Variants in ADAMTS13 observed in about 807,000 individuals in gnomAD.
ADAMTS13 encodes A disintegrin and metalloproteinase with thrombospondin motifs 13.
Under a neutral mutation model 155.1 loss-of-function variants are expected in ADAMTS13, and 110 were observed. That is an observed-to-expected ratio of 0.71 (90% CI 0.61 to 0.83). The LOEUF (loss-of-function observed/expected upper bound fraction) is 0.83. ADAMTS13 is among the 40% of genes least tolerant of loss of function. The probability of loss-of-function intolerance (pLI) is 0.00; values close to 1 mark genes in which losing one functional copy is unlikely to be tolerated. For missense variants in ADAMTS13, 1,707 were observed against 1,891.7 expected (o/e 0.90, Z 1.81); for synonymous variants, 758 against 756.4 (o/e 1.00, Z -0.03).
At position 133,424,481 on chromosome 9, in the gene ADAMTS13, G is replaced by A; in HGVS notation, c.330+3G>A. ...ATGTGCTCACCAACCTCAACATCGT[G>A]AGTGCCCCACGCTGGACTGTGCAGG... On this transcript the variant is annotated splice_donor_region_variant and intron_variant, in intron 3 of 28. Coordinates refer to ENST00000355699, the MANE Select transcript of ADAMTS13 (RefSeq NM_139027.6). The surrounding 1 kb of genome is among the most constrained non-coding windows in gnomAD (Gnocchi z 4.3). 6.2e-7 allele frequency: 1 copy of A among 1,612,544 alleles called. No homozygotes were observed. Among genetic ancestry groups the A allele is most frequent in the Non-Finnish European group, 8.5e-7 (1 of 1,179,382 alleles).
intron 21 of ADAMTS13, among the ~76,000 whole-genome samples, chr9:133,447,378 A>T (rs940611199): frequency 1.4e-4 from 21 of 152,066 alleles, no homozygotes; most frequent in African/African-American, 5.1e-4. Context: ...TACAACCTCC[A>T]CCACCTGGGC....
chr9:133,456,574 C>G lies in ADAMTS13; in HGVS notation c.3579C>G (p.Thr1193=). The part of the protein sequence containing the change: ...GDMLLLWGRL[T]WRKMCRKLLD... ...TGTTGCTGCTTTGGGGCCGGCTCAC[C>G]TGGAGGAAGATGTGCAGGAAGCTGT... Residue 1193 remains threonine, a synonymous_variant, in exon 27 of 29, where the codon ACC becomes ACG. Transcript: ENST00000355699. The surrounding 1 kb of genome is among the most constrained non-coding windows in gnomAD (Gnocchi z 4.4). 6.2e-7 allele frequency: 1 copy of G among 1,613,590 alleles called. No homozygotes were observed. The highest frequency in any genetic ancestry group is 8.5e-7 in the Non-Finnish European group (1 of 1,179,968).
At chr9:133,419,070 C>G (rs1490477225), upstream of ADAMTS13, among the ~76,000 whole-genome samples, 3 of 152,152 alleles carry the variant, frequency 2.0e-5, no homozygotes, top group Non-Finnish European at 4.4e-5. Flanking sequence ...GAACTCCTGA[C>G]CTCCAGTGAT....
At position 133,456,151 on chromosome 9, in the gene ADAMTS13, T is replaced by C. The variant is rs782235608; in HGVS notation, c.3483T>C (p.Ile1161=). 37 of 1,613,402 alleles carry C rather than the reference T, an allele frequency of 2.3e-5. 1 individual carries two copies. In the South Asian group the frequency reaches 3.7e-4, roughly 16 times the overall value. The change falls in exon 26 of 29, where the codon ATT becomes ATC. Residue 1161 remains isoleucine, a synonymous_variant. Coordinates refer to ENST00000355699, the MANE Select transcript of ADAMTS13 (RefSeq NM_139027.6). The surrounding 1 kb of genome is among the most constrained non-coding windows in gnomAD (Gnocchi z 4.4). Reference sequence around the variant, plus strand: ...GGCAGGCAGACTGTGCAGTGGCCATTGGGCGGCCCCTCGGGGAGGTGGTGA... The same window carrying C: ...GGCAGGCAGACTGTGCAGTGGCCATCGGGCGGCCCCTCGGGGAGGTGGTGA... ...GPGQADCAVA[I]GRPLGEVVTL...
chr9:133,440,381 G>C lies in ADAMTS13; in HGVS notation c.1824G>C (p.Lys608Asn). The C allele has an allele frequency of 6.2e-7, 1 of 1,613,994 alleles. No individual in the cohort carries two copies. Among genetic ancestry groups the C allele is most frequent in the Middle Eastern group, 1.6e-4 (1 of 6,062 alleles). The change falls in exon 16 of 29, where the codon AAG (lysine) becomes AAC (asparagine). Residue 608 changes from lysine to asparagine, a missense_variant. By Grantham distance (94) the Lys-to-Asn change is moderately conservative. This residue lies in a region of ADAMTS13 where 961 missense variants were observed against 1,107.9 expected (regional missense o/e 0.87). Transcript: ENST00000355699. The surrounding 1 kb of genome is among the most constrained non-coding windows in gnomAD (Gnocchi z 4.3). ...RIGGRYVVAG[K>N]MSISPNTTYP... ...GAGGGCGCTATGTCGTGGCTGGGAAGATGAGCATCTCCCCTAACACCACCT... is the reference window on the plus strand; with the variant it reads ...GAGGGCGCTATGTCGTGGCTGGGAACATGAGCATCTCCCCTAACACCACCT...
At chr9:133,414,743 C>T (rs1839462372) in intron 1 of ADAMTS13, 2 of 1,614,166 alleles carry the variant, frequency 1.2e-6, no homozygotes, top group Non-Finnish European at 1.7e-6. Context: ...AACAATATCA[C>T]CATTTGTCCT....
rs1554789701 is a variant in ADAMTS13, at chr9:133,438,330, C to G, written c.1669C>G (p.Pro557Ala). The G allele has an allele frequency of 6.2e-7, 1 of 1,614,048 alleles. No homozygotes were observed. The highest frequency in any genetic ancestry group is 1.1e-5 in the South Asian group (1 of 91,080). Reference protein sequence around the residue: ...VCGGDNSTCSPRKGSFTAGRA... With the variant: ...VCGGDNSTCSARKGSFTAGRA... Reference sequence around the variant, plus strand: ...TGGTGGGGACAACAGCACGTGCAGCCCACGGAAGGGCTCTTTCACAGCTGG... The same window carrying G: ...TGGTGGGGACAACAGCACGTGCAGCGCACGGAAGGGCTCTTTCACAGCTGG... The change falls in exon 14 of 29, where the codon CCA becomes GCA. Residue 557 changes from proline (P) to alanine (A), a missense_variant. Pro to Ala is a conservative substitution (Grantham distance 27, BLOSUM62 -1). Around this residue, in one of 3 missense-constraint regions of ADAMTS13, gnomAD observed 961 missense variants for 1,107.9 expected, o/e 0.87. Coordinates refer to ENST00000355699, the MANE Select transcript of ADAMTS13 (RefSeq NM_139027.6).
In ADAMTS13 at chr9:133,438,095, C is replaced by T. The variant is rs918376170; in HGVS notation, c.1585-151C>T. 1.5e-5 allele frequency: 22 copies of T among 1,474,920 alleles called. No homozygotes were observed. The African/African-American group carries it at 3.1e-4, about 21-fold the overall frequency. 91.4% of individuals were successfully genotyped at this position (1,474,920 alleles called of 1,614,324 possible). A position where few individuals can be genotyped will look rare whatever the true frequency, so the allele number is the denominator to read the frequency against. ...TGTGACCTTGGGCAAGTCACTGAGC[C>T]CTCTAAGCTTGCTTCCTGTGTAGAT... On this transcript the variant is annotated intron_variant, in intron 13 of 28. Transcript: ENST00000355699.
At chr9:133,449,466 G>A (rs1410051826) in intron 22 of ADAMTS13, among the ~76,000 whole-genome samples, 27 of 152,150 alleles carry the variant, frequency 1.8e-4, no homozygotes, top group Non-Finnish European at 3.7e-4. Flanking sequence ...CTCCAGGGCG[G>A]TGGTGCTGGG....
intron 10 of ADAMTS13, 41 bp from the exon 11 acceptor site, chr9:133,433,600 C>G (rs1554788182): frequency 1.2e-6 from 2 of 1,613,820 alleles, no homozygotes; most frequent in East Asian, 4.5e-5. Flanking sequence ...AGGCAGTGGT[C>G]ACCCTGCTCT....
Position 133,456,546 on chromosome 9 carries a change from A to G in ADAMTS13, c.3551A>G (p.Asp1184Gly). 3 of 1,613,120 alleles carry G rather than the reference A, an allele frequency of 1.9e-6. No individual in the cohort carries two copies. The highest frequency in any genetic ancestry group is 2.5e-6 in the Non-Finnish European group (3 of 1,179,882). Reference sequence around the variant, plus strand: ...TCACTGCCCTGCCGCTTCCTAGGGGACATGTTGCTGCTTTGGGGCCGGCTC... The same window carrying G: ...TCACTGCCCTGCCGCTTCCTAGGGGGCATGTTGCTGCTTTGGGGCCGGCTC... ...LESSLNCSAGDMLLLWGRLTW... is the reference protein window; with the variant it reads ...LESSLNCSAGGMLLLWGRLTW... Residue 1184 changes from aspartate (D) to glycine (G), a missense_variant, in exon 27 of 29, where the codon GAC (aspartate) becomes GGC (glycine). By Grantham distance (94) the Asp-to-Gly change is moderately conservative. Around this residue, in one of 3 missense-constraint regions of ADAMTS13, gnomAD observed 961 missense variants for 1,107.9 expected, o/e 0.87. Transcript: ENST00000355699. The surrounding 1 kb of genome is among the most constrained non-coding windows in gnomAD (Gnocchi z 4.4).
chr9:133,444,771 A>G, intron 19 of ADAMTS13, 92 bp from the exon 20 acceptor site: 1 of 1,339,424 alleles, frequency 7.5e-7, no homozygotes. Context: ...GTTGGGGAGC[A>G]GGTCCCCTTC....
At position 133,441,626 on chromosome 9, in the gene ADAMTS13, G is replaced by A. The variant is rs950856882; in HGVS notation, c.1969-773G>A. Among the ~76,000 whole-genome samples, 1 of 151,996 alleles carries A rather than the reference G, an allele frequency of 6.6e-6. No individual in the cohort carries two copies. Among genetic ancestry groups the A allele is most frequent in the Non-Finnish European group, 1.5e-5 (1 of 68,020 alleles). On this transcript the variant is annotated intron_variant, in intron 16 of 28. Transcript: ENST00000355699. The surrounding 1 kb of genome is among the most constrained non-coding windows in gnomAD (Gnocchi z 5.0). ...GGCCTCTTTCTTGGGCTGGTCTTGG[G>A]CACAGGACCCAGTTACCCTCCTGAA...
rs1588181002 is a variant in ADAMTS13 at position 133,441,920 on chromosome 9, A to G, written c.1969-479A>G. Among the ~76,000 whole-genome samples the G allele has an allele frequency of 6.6e-6, 1 of 151,710 alleles. No individual in the cohort carries two copies. The highest frequency in any genetic ancestry group is 2.4e-5 in the African/African-American group (1 of 41,258). The stretch of plus-strand genomic sequence containing the variant: ...CCTCCTCCACTGCACTTTATCCTCT[A>G]CCCAGCCAGCTTAGGGAACCTTCTC... On this transcript the variant is annotated intron_variant, in intron 16 of 28. Transcript: ENST00000355699. This position sits in a 1 kb window ranked among gnomAD's most constrained non-coding sequence, Gnocchi z 5.0.
chr9:133,442,392 T>A lies in ADAMTS13; in HGVS notation c.1969-7T>A. 1 of 1,613,974 alleles carries A rather than the reference T, an allele frequency of 6.2e-7. No individual in the cohort carries two copies. The highest frequency in any genetic ancestry group is 8.5e-7 in the Non-Finnish European group (1 of 1,180,038). ...ACTGGACAAGGCCTGAAGCTCTTTG[T>A]CTGCAGGTTTACAGGCGGTATGGCG... On this transcript the variant is annotated splice_polypyrimidine_tract_variant and splice_region_variant and intron_variant, in intron 16 of 28. Transcript: ENST00000355699.
At chr9:133,449,703 G>T (rs886543052) in intron 22 of ADAMTS13, 80 bp from the exon 23 acceptor site, 2 of 1,531,800 alleles carry the variant, frequency 1.3e-6, no homozygotes, top group Middle Eastern at 2.0e-4. Flanking sequence ...CCTAGTCTGG[G>T]GAAATGAAGG....
At position 133,423,089 on chromosome 9, in the gene ADAMTS13, T is replaced by C; in HGVS notation, c.106-12T>C. 1 of 1,613,684 alleles carries C rather than the reference T, an allele frequency of 6.2e-7. No individual in the cohort carries two copies. Among genetic ancestry groups the C allele is most frequent in the East Asian group, 2.2e-5 (1 of 44,886 alleles). On this transcript the variant is annotated splice_polypyrimidine_tract_variant and intron_variant, in intron 1 of 28. Transcript: ENST00000355699. ...CTATGCCCGGCCCCATCCATCTCTT[T>C]TTGTCTTGCAGAGTTGTCTTCAGGC...
At position 133,433,535 on chromosome 9, in the gene ADAMTS13, G is replaced by A. The variant is rs782596578; in HGVS notation, c.1244+6G>A. 9.4e-5 allele frequency: 152 copies of A among 1,613,432 alleles called. No individual in the cohort carries two copies. The highest frequency in any genetic ancestry group is 1.2e-4 in the Non-Finnish European group (140 of 1,179,924). ...CGGCAGTGCAACAACCCCAGGTACCGCAGGGAGGGTGCTTTTCTGTCAGGG... is the reference window on the plus strand; with the variant it reads ...CGGCAGTGCAACAACCCCAGGTACCACAGGGAGGGTGCTTTTCTGTCAGGG... On this transcript the variant is annotated splice_donor_region_variant and intron_variant, in intron 10 of 28. Coordinates refer to ENST00000355699, the MANE Select transcript of ADAMTS13 (RefSeq NM_139027.6).
At position 133,457,835 on chromosome 9, in the gene ADAMTS13, C is replaced by G. The variant is rs1198043006; in HGVS notation, c.3725-75C>G. On this transcript the variant is annotated intron_variant, in intron 27 of 28. Transcript: ENST00000355699. Reference sequence around the variant, plus strand: ...AGTGCCATGCTGCCCTGCACGGCTCCCTGGCTGTGAGTTGTCCTGGCCTCT... The same window carrying G: ...AGTGCCATGCTGCCCTGCACGGCTCGCTGGCTGTGAGTTGTCCTGGCCTCT... The G allele has an allele frequency of 3.1e-6, 5 of 1,590,252 alleles. No individual in the cohort carries two copies. The East Asian group carries it at 8.9e-5, about 28-fold the overall frequency.
Sources: allele counts gnomAD v4.1 joint callset (sites outside exome capture counted in the v4.1 genomes callset), GRCh38; gene constraint gnomAD v4.1.1; regional missense constraint gnomAD v4.1.1; non-coding constraint Gnocchi (gnomAD v3.1); transcripts MANE v1.5; gene names NCBI Gene and HGNC (gene_info 2026-07-23, HGNC 2026-07-21).